UNC13C: variants seen among roughly 807,000 people sequenced by gnomAD.
The protein encoded by UNC13C is unc-13 homolog C, also known as protein unc-13 homolog C.
Under a neutral mutation model 245.4 loss-of-function variants are expected in UNC13C, and 174 were observed. That is an observed-to-expected ratio of 0.71 (90% CI 0.63 to 0.80). UNC13C has a LOEUF of 0.80. Ranked by LOEUF, UNC13C falls within the 30% of genes least tolerant of loss-of-function variation. UNC13C has a pLI of 0.00. For synonymous variants in UNC13C, 992 were observed against 895.1 expected, an observed-to-expected ratio of 1.11 and a Z score of -1.93; for missense variants, 2,829 against 2,602.9, an observed-to-expected ratio of 1.09 and a Z score of -1.89.
chr15:54,544,987 C>T (rs1002097638), intron 26 of UNC13C, among the ~76,000 whole-genome samples: 3 of 152,018 alleles, frequency 2.0e-5, no homozygotes, highest in East Asian at 1.9e-4. Context: ...CCTGTATAGC[C>T]AAGACAATCC....
chr15:54,493,525 T>C (rs1893817475), intron 19 of UNC13C, among the ~76,000 whole-genome samples: 1 of 152,156 alleles, frequency 6.6e-6, no homozygotes, highest in African/African-American at 2.4e-5. Flanking sequence ...AGTCCCTCTA[T>C]ATTCCGGTTT....
At chr15:54,456,746 T>C (rs1891554073) in intron 19 of UNC13C, among the ~76,000 whole-genome samples, 1 of 152,086 alleles carries the variant, frequency 6.6e-6, no homozygotes, top group Non-Finnish European at 1.5e-5. Flanking sequence ...GAAGCTTTAC[T>C]CAATTCGTTT....
intron 19 of UNC13C, among the ~76,000 whole-genome samples, chr15:54,442,800 C>T (rs1323372792): frequency 6.6e-6 from 1 of 151,860 alleles, no homozygotes; most frequent in African/African-American, 2.4e-5. Context: ...TTGTGATGTG[C>T]TGTTGGATTT....
chr15:54,103,295 T>G (rs148352864), intron 2 of UNC13C, among the ~76,000 whole-genome samples: 131 of 152,258 alleles, frequency 8.6e-4, no homozygotes, highest in African/African-American at 2.7e-3. Context: ...TTTAAGGAGT[T>G]CGCCAGGGTA....
intron 13 of UNC13C, among the ~76,000 whole-genome samples, chr15:54,310,229 T>C (rs186966524): frequency 2.0e-4 from 31 of 151,950 alleles, no homozygotes; most frequent in Admixed American, 5.3e-4. Flanking sequence ...GTTAGAACTG[T>C]AGCTGTTAAA....
chr15:54,400,988 A>G (rs1215072360), intron 18 of UNC13C, among the ~76,000 whole-genome samples: 1 of 152,172 alleles, frequency 6.6e-6, no homozygotes, highest in Non-Finnish European at 1.5e-5. Context: ...GGAAACCATC[A>G]TTCTCAGCAA....
chr15:54,163,228 G>A (rs1205601273), intron 4 of UNC13C, among the ~76,000 whole-genome samples: 2 of 152,118 alleles, frequency 1.3e-5, no homozygotes, highest in African/African-American at 4.8e-5. Flanking sequence ...GATGATGAAT[G>A]GGAAGCAGAG....
intron 18 of UNC13C, among the ~76,000 whole-genome samples, chr15:54,412,098 C>T (rs994804047): frequency 1.3e-5 from 2 of 151,718 alleles, no homozygotes; most frequent in East Asian, 1.9e-4. Flanking sequence ...CCCAGCTACT[C>T]GGGAGGCTGA....
intron 19 of UNC13C, among the ~76,000 whole-genome samples, chr15:54,432,143 G>T (rs2040885093): frequency 6.6e-6 from 1 of 151,446 alleles, no homozygotes; most frequent in Non-Finnish European, 1.5e-5. Flanking sequence ...TCTGTGTCAG[G>T]CACTGTGCTA....
At chr15:54,217,777 CTCTTA>C (rs139352674) in intron 4 of UNC13C, among the ~76,000 whole-genome samples, 13,464 of 151,874 alleles carry the variant, frequency 0.089, 891 homozygotes, top group South Asian at 0.22. Context: ...AAATTTCAGG[CTCTTA>C]TCTTCTTCCC....
chr15:54,398,911 T>C (rs1484147704), intron 18 of UNC13C, among the ~76,000 whole-genome samples: 2 of 151,644 alleles, frequency 1.3e-5, no homozygotes, highest in Non-Finnish European at 3.0e-5. Flanking sequence ...CAGCTTTTGA[T>C]TTTATTCAAT....
chr15:54,314,072 CA>C (rs11316411), intron 13 of UNC13C, among the ~76,000 whole-genome samples: 32,146 of 137,754 alleles, frequency 0.23, 3,516 homozygotes, highest in South Asian at 0.32. Flanking sequence ...TATGTGGCAT[CA>C]AAAAAAAAAA....
chr15:53,929,253 C>T, the UNC13C span, among the ~76,000 whole-genome samples: 1 of 152,098 alleles, frequency 6.6e-6, no homozygotes, highest in East Asian at 1.9e-4. Context: ...AGGAAAGTCC[C>T]ACCCCCATGA....
At chr15:54,562,036 G>C (rs1420483913) in intron 29 of UNC13C, among the ~76,000 whole-genome samples, 1 of 151,960 alleles carries the variant, frequency 6.6e-6, no homozygotes, top group Non-Finnish European at 1.5e-5. Context: ...AGACAGCCAG[G>C]AAGGCTATTT....
At chr15:54,428,431 C>T (rs915570120) in intron 19 of UNC13C, among the ~76,000 whole-genome samples, 2 of 151,526 alleles carry the variant, frequency 1.3e-5, no homozygotes, top group African/African-American at 2.4e-5. Flanking sequence ...GTCTGCATAT[C>T]TGTTCCCTCT....
chr15:54,111,636 C>T (rs1212947439), intron 2 of UNC13C, among the ~76,000 whole-genome samples: 2 of 152,196 alleles, frequency 1.3e-5, no homozygotes, highest in Non-Finnish European at 2.9e-5. Context: ...TAAGTAATTA[C>T]TGAATGTTTC....
chr15:54,295,865 A>G (rs1439866343), intron 11 of UNC13C, among the ~76,000 whole-genome samples: 1 of 152,074 alleles, frequency 6.6e-6, no homozygotes, highest in Non-Finnish European at 1.5e-5. Flanking sequence ...TTTTGCCCTC[A>G]TTGCTGATGT....
At chr15:53,944,436 C>T in the UNC13C span, among the ~76,000 whole-genome samples, 4 of 151,978 alleles carry the variant, frequency 2.6e-5, no homozygotes, top group Admixed American at 6.6e-5. Context: ...AGGCCCTTGT[C>T]GTTCTGTTGT....
intron 4 of UNC13C, among the ~76,000 whole-genome samples, chr15:54,197,788 A>AG: frequency 6.6e-6 from 1 of 152,256 alleles, no homozygotes; most frequent in South Asian, 2.1e-4. Flanking sequence ...TCCAAGAACT[A>AG]GTGCAGGAAC....
Sources: allele counts gnomAD v4.1 joint callset (sites outside exome capture counted in the v4.1 genomes callset), GRCh38; gene constraint gnomAD v4.1.1; transcripts MANE v1.5; gene names NCBI Gene and HGNC (gene_info 2026-07-23, HGNC 2026-07-21).